STRBP: variants seen among roughly 807,000 people sequenced by gnomAD.
STRBP encodes the protein spermatid perinuclear RNA-binding protein.
STRBP carries 13 observed loss-of-function variants against 80.1 expected under a neutral mutation model. The ratio of observed to expected loss-of-function variants is 0.16; its 90% CI spans 0.11 to 0.26. STRBP has a LOEUF of 0.26. Among genes scored for constraint, STRBP ranks in the 10% least tolerant of loss-of-function variants. The pLI is 1.00. For missense variants in STRBP, 485 were observed against 815.2 expected (o/e 0.59, Z 4.93); for synonymous variants, 284 against 291.2 (o/e 0.98, Z 0.25).
chr9:123,210,364 C>A (rs979649383), intron 2 of STRBP, among the ~76,000 whole-genome samples: 10 of 149,580 alleles, frequency 6.7e-5, no homozygotes, highest in African/African-American at 2.2e-4. Flanking sequence ...ATACATACAC[C>A]CAACAAAAGA....
At chr9:123,216,254 A>G (rs183184526) in intron 2 of STRBP, among the ~76,000 whole-genome samples, 18 of 152,276 alleles carry the variant, frequency 1.2e-4, no homozygotes, top group Non-Finnish European at 1.2e-4. Context: ...TTTACCACTT[A>G]CCAGCTCTGT....
intron 2 of STRBP, among the ~76,000 whole-genome samples, chr9:123,213,381 G>C (rs932965604): frequency 2.6e-5 from 4 of 152,198 alleles, no homozygotes; most frequent in African/African-American, 9.6e-5. Context: ...TTCGAAACTT[G>C]ATAACTTTAT....
At chr9:123,226,335 CA>C (rs886130899) in intron 2 of STRBP, among the ~76,000 whole-genome samples, 16 of 151,296 alleles carry the variant, frequency 1.1e-4, no homozygotes, top group Admixed American at 4.6e-4. Flanking sequence ...ACCGTATATT[CA>C]AAAAAAATGT....
intron 1 of STRBP, among the ~76,000 whole-genome samples, chr9:123,259,686 G>A (rs1265315807): frequency 6.6e-6 from 1 of 152,098 alleles, no homozygotes; most frequent in Non-Finnish European, 1.5e-5. Flanking sequence ...TCCAGCCTGG[G>A]CAACAAGAGT....
chr9:123,129,808 C>T (rs1418441605), intron 17 of STRBP, among the ~76,000 whole-genome samples: 2 of 152,188 alleles, frequency 1.3e-5, no homozygotes, highest in Non-Finnish European at 2.9e-5. Context: ...TAGGGACCAA[C>T]TGAAACAGTT....
At chr9:123,117,783 T>C (rs991156197), downstream of STRBP, among the ~76,000 whole-genome samples, 1 of 152,242 alleles carries the variant, frequency 6.6e-6, no homozygotes, top group African/African-American at 2.4e-5. Flanking sequence ...CCTCATGACC[T>C]ATCTCAGGCC....
intron 2 of STRBP, among the ~76,000 whole-genome samples, chr9:123,202,869 C>G (rs898352691): frequency 6.6e-6 from 1 of 152,004 alleles, no homozygotes; most frequent in Non-Finnish European, 1.5e-5. Flanking sequence ...ATTTAAAAAT[C>G]TAAAAAATAA....
intron 3 of STRBP, chr9:123,113,868 CTATT>C (rs930175384): frequency 1.8e-5 from 3 of 167,142 alleles, no homozygotes; most frequent in African/African-American, 7.2e-5. Context: ...GCCATGCTAT[CTATT>C]TACGCACTGT....
chr9:123,244,816 GAA>G (rs2040766464), intron 1 of STRBP, among the ~76,000 whole-genome samples: 1 of 152,164 alleles, frequency 6.6e-6, no homozygotes, highest in African/African-American at 2.4e-5. Flanking sequence ...TTATCCCAAA[GAA>G]ATGGAAAATT....
At chr9:123,199,070 G>A (rs1254827805) in intron 2 of STRBP, among the ~76,000 whole-genome samples, 3 of 151,952 alleles carry the variant, frequency 2.0e-5, no homozygotes, top group Non-Finnish European at 2.9e-5. Flanking sequence ...TCAGCCTCCC[G>A]AGTAGCTGGG....
At chr9:123,168,401 G>A (rs1588033295) in intron 6 of STRBP, 1 of 159,202 alleles carries the variant, frequency 6.3e-6, no homozygotes, top group Admixed American at 6.5e-5. Context: ...TCATAAATGT[G>A]TCTGGTTTAT....
Position 123,124,676 on chromosome 9 carries a change from A to G in STRBP, c.*921T>C. On this transcript the variant is annotated 3_prime_UTR_variant, in exon 19 of 19. Transcript: ENST00000348403. ...AGCCAGGGAGTGAACACAATATCTT[A>G]CAGAGTGAAGAAGGCCACAAGAACA... The G allele has an allele frequency of 1.0e-5, 10 of 985,482 alleles. No individual in the cohort carries two copies. Among genetic ancestry groups the G allele is most frequent in the Non-Finnish European group, 1.2e-5 (10 of 829,942 alleles). The allele number at this position is 985,482 out of a possible 1,614,324, so 61.0% of individuals were successfully genotyped here.
chr9:123,137,502 T>C (rs1457980293), intron 14 of STRBP, among the ~76,000 whole-genome samples: 8 of 152,166 alleles, frequency 5.3e-5, no homozygotes, highest in Middle Eastern at 3.2e-3. Flanking sequence ...CTCCACCTCC[T>C]GGGTTCAGGT....
At chr9:123,254,354 G>A (rs145593425) in intron 1 of STRBP, among the ~76,000 whole-genome samples, 1,529 of 151,838 alleles carry the variant, frequency 0.01, 21 homozygotes, top group African/African-American at 0.031. Context: ...CCAGCTCCTC[G>A]GGAGGCTGAG....
intron 2 of STRBP, among the ~76,000 whole-genome samples, chr9:123,214,062 A>G (rs538529310): frequency 2.6e-4 from 39 of 152,148 alleles, no homozygotes; most frequent in Admixed American, 2.6e-4. Context: ...AGCACAATTC[A>G]CAAAATTGCA....
chr9:123,222,879 G>A (rs1269283521), intron 2 of STRBP, among the ~76,000 whole-genome samples: 4 of 152,040 alleles, frequency 2.6e-5, no homozygotes, highest in Non-Finnish European at 4.4e-5. Context: ...GACCTGCACA[G>A]GAACGTTTAT....
Position 123,126,151 on chromosome 9 carries a change from C to T in STRBP, c.1943-478G>A, listed in dbSNP as rs1423273034. Among the ~76,000 whole-genome samples the T allele has an allele frequency of 6.6e-6, 1 of 152,204 alleles. No individual in the cohort carries two copies. The highest frequency in any genetic ancestry group is 1.5e-5 in the Non-Finnish European group (1 of 68,032). On this transcript the variant is annotated intron_variant, in intron 18 of 18. Transcript: ENST00000348403. The surrounding 1 kb of genome is among the most constrained non-coding windows in gnomAD (Gnocchi z 4.4). ...TATGGCCAATATTGGCATGGCAAATCTGGAAAGATTAATTACTTTCTGAAT... is the reference window on the plus strand; with the variant it reads ...TATGGCCAATATTGGCATGGCAAATTTGGAAAGATTAATTACTTTCTGAAT...
chr9:123,248,744 A>G (rs530977241), intron 1 of STRBP, among the ~76,000 whole-genome samples: 4 of 152,222 alleles, frequency 2.6e-5, no homozygotes, highest in Non-Finnish European at 5.9e-5. Flanking sequence ...GATTACCTGA[A>G]TGAGCACTGT....
At chr9:123,266,966 A>G (rs974614449) in intron 1 of STRBP, among the ~76,000 whole-genome samples, 12 of 149,850 alleles carry the variant, frequency 8.0e-5, no homozygotes, top group Non-Finnish European at 1.5e-4. Context: ...CTTCCCCTCC[A>G]GTCTATCCCG....
Sources: allele counts gnomAD v4.1 joint callset (sites outside exome capture counted in the v4.1 genomes callset), GRCh38; gene constraint gnomAD v4.1.1; non-coding constraint Gnocchi (gnomAD v3.1); transcripts MANE v1.5; gene names NCBI Gene and HGNC (gene_info 2026-07-23, HGNC 2026-07-21).